The following LRRC4C variants were observed in gnomAD, a reference collection of about 807,000 sequenced individuals.
The protein encoded by LRRC4C is leucine rich repeat containing 4C.
In LRRC4C, 5 loss-of-function variants were observed where a neutral mutation model predicts 33.6. The ratio of observed to expected loss-of-function variants is 0.15; its 90% CI spans 0.08 to 0.31. LRRC4C has a LOEUF of 0.31. Ranked by LOEUF, LRRC4C falls within the 10% of genes least tolerant of loss-of-function variation. LRRC4C has a pLI of 1.00. For missense variants in LRRC4C, 560 were observed against 796.7 expected (o/e 0.70, Z 3.58); for synonymous variants, 329 against 302.0 (o/e 1.09, Z -0.93).
intron 1 of LRRC4C, among the ~76,000 whole-genome samples, chr11:41,153,921 CAGAAG>C (rs1944111418): frequency 6.6e-6 from 1 of 152,040 alleles, no homozygotes; most frequent in Non-Finnish European, 1.5e-5. Context: ...ATTTGACCTA[CAGAAG>C]AGAAGATGGC....
At chr11:41,101,976 T>C (rs974618024) in intron 1 of LRRC4C, among the ~76,000 whole-genome samples, 2 of 151,998 alleles carry the variant, frequency 1.3e-5, no homozygotes, top group Admixed American at 1.3e-4. Context: ...CACTGGGGCC[T>C]ACTTGAGGGT....
chr11:41,369,070 G>C, intron 1 of LRRC4C, among the ~76,000 whole-genome samples: 1 of 151,984 alleles, frequency 6.6e-6, no homozygotes, highest in Non-Finnish European at 1.5e-5. Flanking sequence ...CATTTTTGTT[G>C]AAGAAATATT....
chr11:40,698,099 C>A (rs905122738), intron 2 of LRRC4C, among the ~76,000 whole-genome samples: 38 of 150,592 alleles, frequency 2.5e-4, no homozygotes, highest in Non-Finnish European at 5.0e-4. Context: ...ACATTTAATA[C>A]TCCTGAACAG....
At chr11:40,718,221 T>C (rs919417673) in intron 2 of LRRC4C, among the ~76,000 whole-genome samples, 3 of 152,196 alleles carry the variant, frequency 2.0e-5, no homozygotes, top group African/African-American at 7.2e-5. Context: ...GGGAGGATCA[T>C]CTGACAATGT....
At chr11:40,360,392 T>C (rs543027099) in intron 3 of LRRC4C, among the ~76,000 whole-genome samples, 1 of 152,128 alleles carries the variant, frequency 6.6e-6, no homozygotes, top group East Asian at 1.9e-4. Context: ...ACACAAGAGG[T>C]CCGGGAAACT....
chr11:40,115,208 T>C lies in LRRC4C; in HGVS notation c.1085A>G (p.Asp362Gly). The change falls in exon 7 of 7, where the codon GAC becomes GGC. Residue 362 changes from aspartate to glycine, a missense_variant. By Grantham distance (94) the Asp-to-Gly change is moderately conservative (BLOSUM62 -1). This residue lies in a region of LRRC4C where 455 missense variants were observed against 643.8 expected (regional missense o/e 0.71). Coordinates refer to ENST00000528697, the MANE Select transcript of LRRC4C (RefSeq NM_001258419.2). This position sits in a 1 kb window ranked among gnomAD's most constrained non-coding sequence, Gnocchi z 6.7. ...YAPVIVEPPA[D>G]LNVTEGMAAE... ...TGCCATGCCTTCAGTGACATTGAGG[T>C]CTGCAGGGGGCTCCACAATCACCGG... 2 of 1,614,094 alleles carry C rather than the reference T, an allele frequency of 1.2e-6. No homozygotes were observed. The highest frequency in any genetic ancestry group is 2.2e-5 in the East Asian group (1 of 44,870).
At position 40,673,980 on chromosome 11, in the gene LRRC4C, C is replaced by G. The variant is rs114261081; in HGVS notation, c.-406-25702G>C. On this transcript the variant is annotated intron_variant, in intron 2 of 6. Coordinates refer to ENST00000528697, the MANE Select transcript of LRRC4C (RefSeq NM_001258419.2). ...ATCTGATAGGTTTCTCTCTTTCTTC[C>G]CCAGCAGTTACCTCAATGCTCAGTC... Among the ~76,000 whole-genome samples the G allele has an allele frequency of 3.0e-3, 462 of 152,180 alleles. 1 individual carries two copies. The highest frequency in any genetic ancestry group is 0.011 in the African/African-American group (446 of 41,528).
chr11:40,728,475 A>C (rs1007885645), intron 2 of LRRC4C, among the ~76,000 whole-genome samples: 1 of 151,634 alleles, frequency 6.6e-6, no homozygotes, highest in Non-Finnish European at 1.5e-5. Context: ...AAAAACAAAA[A>C]GTTAGCTGGG....
chr11:41,147,343 C>A (rs1943772401), intron 1 of LRRC4C, among the ~76,000 whole-genome samples: 1 of 152,162 alleles, frequency 6.6e-6, no homozygotes, highest in Non-Finnish European at 1.5e-5. Flanking sequence ...GTGCTTATCA[C>A]CTCGGTGAGG....
intron 3 of LRRC4C, among the ~76,000 whole-genome samples, chr11:40,562,946 C>CTT (rs567360534): frequency 7.1e-6 from 1 of 140,416 alleles, no homozygotes; most frequent in Non-Finnish European, 1.6e-5. Context: ...TTTTTTTTTT[C>CTT]TTTTTTTTTT....
At chr11:40,820,403 A>G (rs1016097739) in intron 2 of LRRC4C, among the ~76,000 whole-genome samples, 1 of 152,004 alleles carries the variant, frequency 6.6e-6, no homozygotes, top group Non-Finnish European at 1.5e-5. Context: ...GATGTTTCAC[A>G]GTAGATTAGA....
chr11:40,114,226 T>C lies in LRRC4C; in HGVS notation c.*144A>G. On this transcript the variant is annotated 3_prime_UTR_variant, in exon 7 of 7. Transcript: ENST00000528697. Reference sequence around the variant, plus strand: ...TTGTCTGCTTTAGATCACAATAGAATTTTTAATAAATAAATTTCTTTTCTT... The same window carrying C: ...TTGTCTGCTTTAGATCACAATAGAACTTTTAATAAATAAATTTCTTTTCTT... The C allele has an allele frequency of 1.0e-6, 1 of 973,014 alleles. No homozygotes were observed. The highest frequency in any genetic ancestry group is 1.7e-5 in the African/African-American group (1 of 60,584). The allele number at this position is 973,014 out of a possible 1,614,324, so 60.3% of individuals were successfully genotyped here. A position where few individuals can be genotyped will look rare whatever the true frequency, so the allele number is the denominator to read the frequency against.
intron 2 of LRRC4C, 146 bp from the exon 3 acceptor site, chr11:40,648,424 A>T (rs1942589668): frequency 6.6e-6 from 1 of 152,228 alleles, no homozygotes; most frequent in Non-Finnish European, 1.5e-5. Flanking sequence ...TATGATAGAA[A>T]GTAATGGGAA....
chr11:40,123,488 T>C (rs1022247814), intron 6 of LRRC4C, among the ~76,000 whole-genome samples: 2 of 152,136 alleles, frequency 1.3e-5, no homozygotes, highest in South Asian at 4.2e-4. Context: ...TTAATCCCAT[T>C]TACTATAGCT....
chr11:40,228,368 T>C (rs559664261), intron 5 of LRRC4C, among the ~76,000 whole-genome samples: 2 of 152,268 alleles, frequency 1.3e-5, no homozygotes, highest in African/African-American at 4.8e-5. Flanking sequence ...GAATGGACTA[T>C]AGTTTGGACT....
At chr11:40,640,223 T>A in intron 3 of LRRC4C, among the ~76,000 whole-genome samples, 1 of 152,226 alleles carries the variant, frequency 6.6e-6, no homozygotes, top group Non-Finnish European at 1.5e-5. Context: ...TTAGCTTTTA[T>A]ATTTCTAGCT....
intron 3 of LRRC4C, among the ~76,000 whole-genome samples, chr11:40,515,793 C>T (rs75933293): frequency 0.018 from 2,779 of 152,030 alleles, 102 homozygotes; most frequent in African/African-American, 0.063. Context: ...TTGAGGTGAA[C>T]CAGTTAGTCC....
chr11:41,211,565 T>C (rs1046944915), intron 1 of LRRC4C, among the ~76,000 whole-genome samples: 1 of 152,092 alleles, frequency 6.6e-6, no homozygotes, highest in Admixed American at 6.5e-5. Context: ...CACCTATGTG[T>C]GAGAACATGC....
intron 3 of LRRC4C, among the ~76,000 whole-genome samples, chr11:40,414,447 A>G (rs774977241): frequency 4.6e-5 from 7 of 152,102 alleles, no homozygotes; most frequent in Non-Finnish European, 7.4e-5. Context: ...TAGCTTACAG[A>G]GATAATGATA....
Sources: gnomAD v4.1 joint callset for allele counts (sites outside exome capture counted in the v4.1 genomes callset) on GRCh38, gnomAD v4.1.1 for gene constraint, gnomAD v4.1.1 regional missense constraint, Gnocchi (gnomAD v3.1) non-coding constraint, MANE v1.5 for transcripts, NCBI Gene and HGNC (gene_info 2026-07-23, HGNC 2026-07-21) for gene names.